AMBN: variants seen among roughly 807,000 people sequenced by gnomAD.
The protein encoded by AMBN is enamel matrix protein.
In AMBN, 54 loss-of-function variants were observed where a neutral mutation model predicts 48.0. That is an observed-to-expected ratio of 1.12 (90% confidence interval 0.90 to 1.41). The LOEUF is 1.41. Ranked by LOEUF, AMBN falls within the 40% of genes most tolerant of loss-of-function variation. AMBN has a pLI of 0.00. For missense variants in AMBN, 571 were observed against 547.3 expected (o/e 1.04, Z -0.43); for synonymous variants, 186 against 190.0 (o/e 0.98, Z 0.17).
At chr4:70,602,579 T>A in intron 6 of AMBN, 45 bp from the exon 7 acceptor site, 1 of 1,396,562 alleles carries the variant, frequency 7.2e-7, no homozygotes, top group South Asian at 1.5e-5. Flanking sequence ...TTGTCTATTT[T>A]GTTTATTTTT....
intron 12 of AMBN, among the ~76,000 whole-genome samples, chr4:70,605,797 T>C (rs1004245415): frequency 2.6e-5 from 4 of 152,220 alleles, no homozygotes; most frequent in African/African-American, 7.2e-5. Flanking sequence ...TGGGGGACAC[T>C]GAAAAATGCC....
In AMBN at chr4:70,606,616, A is replaced by G; in HGVS notation, c.1230A>G (p.Glu410=). 6.2e-7 allele frequency: 1 copy of G among 1,614,136 alleles called. No homozygotes were observed. The highest frequency in any genetic ancestry group is 2.2e-5 in the East Asian group (1 of 44,858). The change falls in exon 13 of 13, where the codon GAA becomes GAG. Residue 410 remains glutamate (E), a synonymous_variant. Transcript: ENST00000322937. ...ADMTTSVDFQ[E]EATMDTTMAP... is the part of the protein sequence containing the mutation. ...TGACCACATCCGTGGATTTCCAGGA[A>G]GAAGCAACCATGGATACCACGATGG...
Position 70,592,321 on chromosome 4 carries a change from A to G in AMBN, c.-38A>G. 1.9e-6 allele frequency: 3 copies of G among 1,613,022 alleles called. No individual in the cohort carries two copies. The Middle Eastern group carries it at 5.0e-4, about 267-fold the overall frequency. On this transcript the variant is annotated 5_prime_UTR_variant, in exon 1 of 13. Transcript: ENST00000322937. ...ATTTTAATCTTCTTTTCTTAGAACT[A>G]TCTTGGTTGGCATCATCAGGCCCTG...
rs1737572385 is a variant in AMBN, at chr4:70,603,457, A to G, written c.750A>G (p.Gln250=). The change falls in exon 11 of 13, where the codon CAA becomes CAG. Residue 250 remains glutamine, a synonymous_variant. Transcript: ENST00000322937. ...TGTACGTGCCTTTTGGAGCAAATCA[A>G]TTGGTAAGTCCATATTCTATAAAAA... The part of the protein sequence containing the change: ...GMLYVPFGAN[Q]LNAPARLGIM... 1 of 1,611,782 alleles carries G rather than the reference A, an allele frequency of 6.2e-7. No homozygotes were observed. Among genetic ancestry groups the G allele is most frequent in the African/African-American group, 1.3e-5 (1 of 74,862 alleles).
chr4:70,599,059 G>A (rs1737454776), intron 4 of AMBN, among the ~76,000 whole-genome samples: 2 of 151,160 alleles, frequency 1.3e-5, no homozygotes, highest in Non-Finnish European at 2.9e-5. Flanking sequence ...AGAGGCGTGA[G>A]CCACCACGTC....
intron 9 of AMBN, 111 bp from the exon 10 acceptor site, chr4:70,603,149 T>C: frequency 2.2e-6 from 3 of 1,342,624 alleles, no homozygotes. Context: ...AAATATTAAA[T>C]ACTTATTTTC....
chr4:70,599,028 G>T (rs1050020092), intron 4 of AMBN, among the ~76,000 whole-genome samples: 7 of 150,232 alleles, frequency 4.7e-5, no homozygotes, highest in African/African-American at 1.7e-4. Context: ...ACCCACCTCG[G>T]CCTCCCAAAG....
In AMBN at chr4:70,593,340, A is replaced by T; in HGVS notation, c.29A>T (p.Lys10Ile). 1 of 1,610,224 alleles carries T rather than the reference A, an allele frequency of 6.2e-7. No homozygotes were observed. Among genetic ancestry groups the T allele is most frequent in the African/African-American group, 1.3e-5 (1 of 74,944 alleles). MSASKIPLF[K>I]MKDLILILCL... ...ATTATGTTTTAGATTCCACTTTTCA[A>T]AATGAAGGACCTGATACTGATCCTA... The change falls in exon 2 of 13, where the codon AAA becomes ATA. Residue 10 changes from lysine to isoleucine, a missense_variant. Transcript: ENST00000322937.
intron 12 of AMBN, among the ~76,000 whole-genome samples, chr4:70,604,254 C>A (rs1266029469): frequency 6.6e-6 from 1 of 152,144 alleles, no homozygotes; most frequent in Non-Finnish European, 1.5e-5. Context: ...ATACAGAGTT[C>A]TTGTTCTTTC....
At chr4:70,605,498 C>A (rs536782842) in intron 12 of AMBN, among the ~76,000 whole-genome samples, 5 of 152,106 alleles carry the variant, frequency 3.3e-5, no homozygotes, top group African/African-American at 4.8e-5. Flanking sequence ...ATTTTGGACC[C>A]CATATTTCTG....
intron 2 of AMBN, among the ~76,000 whole-genome samples, chr4:70,596,085 T>A (rs1737378649): frequency 1.3e-5 from 2 of 151,010 alleles, no homozygotes; most frequent in African/African-American, 2.4e-5. Context: ...AGCTCAGGAG[T>A]TCAAGACCAG....
rs779083275 is a variant in AMBN at position 70,593,395 on chromosome 4, G to A, written c.84G>A (p.Pro28=). 38 of 1,609,116 alleles carry A rather than the reference G, an allele frequency of 2.4e-5. No individual in the cohort carries two copies. Among genetic ancestry groups the A allele is most frequent in the Admixed American group, 5.0e-5 (3 of 59,902 alleles). ...LCLLEMSFAV[P]FFPQQSGTPG... is the part of the protein sequence containing the mutation. The stretch of plus-strand genomic sequence containing the variant: ...TCCTGGAAATGAGTTTTGCAGTGCC[G>A]GTAAGTCAGTCTTTAGAGTGTGTCC... The change falls in exon 2 of 13, where the codon CCG becomes CCA. Residue 28 remains proline, a splice_region_variant and synonymous_variant. Coordinates refer to ENST00000322937, the MANE Select transcript of AMBN (RefSeq NM_016519.6).
chr4:70,602,879 AT>A, intron 8 of AMBN, 43 bp downstream of exon 8: 1 of 1,541,484 alleles, frequency 6.5e-7, no homozygotes, highest in Non-Finnish European at 8.8e-7. Flanking sequence ...TTTTATTTTT[AT>A]TTTTATTTGT....
intron 12 of AMBN, among the ~76,000 whole-genome samples, 165 bp from the exon 13 acceptor site, chr4:70,606,020 A>C (rs1737634493): frequency 6.6e-6 from 1 of 152,156 alleles, no homozygotes; most frequent in Non-Finnish European, 1.5e-5. Context: ...TTATGTTTCA[A>C]AGCCAGTTTA....
At chr4:70,594,161 C>G (rs1737340703) in intron 2 of AMBN, among the ~76,000 whole-genome samples, 1 of 152,166 alleles carries the variant, frequency 6.6e-6, no homozygotes, top group African/African-American at 2.4e-5. Context: ...TAGTAATTAA[C>G]TAGCAAATTT....
At chr4:70,597,127 T>C in intron 3 of AMBN, 78 bp downstream of exon 3, 11 of 1,334,990 alleles carry the variant, frequency 8.2e-6, no homozygotes, top group Non-Finnish European at 1.2e-5. Context: ...AATCGTGTGC[T>C]TCTCAGTTTT....
chr4:70,606,891 C>A lies in AMBN; in HGVS notation c.*161C>A. 1 of 737,864 alleles carries A rather than the reference C, an allele frequency of 1.4e-6. No homozygotes were observed. The highest frequency in any genetic ancestry group is 2.1e-6 in the Non-Finnish European group (1 of 469,414). The allele number at this position is 737,864 out of a possible 1,614,324, so 45.7% of individuals were successfully genotyped here. On this transcript the variant is annotated 3_prime_UTR_variant, in exon 13 of 13. Coordinates refer to ENST00000322937, the MANE Select transcript of AMBN (RefSeq NM_016519.6). ...CAAGTGGCTAGAAATAGTGTAGGTC[C>A]CCTTCTTGCTTTCAATATCTTGTTG...
intron 1 of AMBN, among the ~76,000 whole-genome samples, chr4:70,593,066 G>T (rs900167861): frequency 6.6e-6 from 1 of 152,128 alleles, no homozygotes; most frequent in East Asian, 1.9e-4. Context: ...ATCGATGGAG[G>T]TTGTTCCTAC....
Position 70,606,598 on chromosome 4 carries a change from A to G in AMBN, c.1212A>G (p.Thr404=), listed in dbSNP as rs1271649819. The G allele has an allele frequency of 5.0e-6, 8 of 1,614,088 alleles. No individual in the cohort carries two copies. The highest frequency in any genetic ancestry group is 6.8e-6 in the Non-Finnish European group (8 of 1,179,998). The change falls in exon 13 of 13, where the codon ACA becomes ACG. Residue 404 remains threonine (T), a synonymous_variant. Transcript: ENST00000322937. ...VYRTYDADMT[T]SVDFQEEATM... ...GGACCTACGATGCTGACATGACCAC[A>G]TCCGTGGATTTCCAGGAAGAAGCAA...
Sources: gnomAD v4.1 joint callset for allele counts (sites outside exome capture counted in the v4.1 genomes callset) on GRCh38, gnomAD v4.1.1 for gene constraint, MANE v1.5 for transcripts, NCBI Gene and HGNC (gene_info 2026-07-23, HGNC 2026-07-21) for gene names.